TRO: variants seen among roughly 807,000 people sequenced by gnomAD.
TRO encodes the protein MAGE superfamily protein.
Under a neutral mutation model 42.3 loss-of-function variants are expected in TRO, and 29 were observed. That is an observed-to-expected ratio of 0.68 (90% CI 0.51 to 0.93). TRO has a LOEUF of 0.93. Among genes scored for constraint, TRO ranks in the 40% least tolerant of loss-of-function variants. TRO has a pLI of 0.00. For synonymous variants in TRO, 384 were observed against 425.2 expected, an observed-to-expected ratio of 0.90 and a Z score of 1.19; for missense variants, 963 against 1,127.7, an observed-to-expected ratio of 0.85 and a Z score of 2.09.
At chrX:54,927,185 C>A in intron 10 of TRO, 80 bp downstream of exon 10, 1 of 1,039,693 alleles carries the variant, frequency 9.6e-7, no homozygotes, top group Admixed American at 2.3e-5. Flanking sequence ...TTAGTCAGTG[C>A]CTTTCTTATA....
In TRO at chrX:54,930,014, C is replaced by T; in HGVS notation, c.3290C>T (p.Pro1097Leu). The T allele has an allele frequency of 8.3e-7, 1 of 1,211,841 alleles. No individual in the cohort carries two copies. Among genetic ancestry groups the T allele is most frequent in the Non-Finnish European group, 1.1e-6 (1 of 895,479 alleles). The change falls in exon 12 of 13, where the codon CCT (proline) becomes CTT (leucine). Residue 1097 changes from proline to leucine, a missense_variant. Pro to Leu is a moderately conservative substitution (Grantham distance 98). Around this residue, in one of 2 missense-constraint regions of TRO, gnomAD observed 641 missense variants for 811.3 expected, o/e 0.79. Coordinates refer to ENST00000173898, the MANE Select transcript of TRO (RefSeq NM_001039705.3). ...TTCAGTGGTGCACCAATCACCAACC[C>T]TGGCTTTGGCGGTGCATTTAGCACC... The part of the protein sequence containing the change: ...ACFSGAPITN[P>L]GFGGAFSTSA...
chrX:54,929,609 C>T lies in TRO; in HGVS notation c.2885C>T (p.Ser962Phe), dbSNP rs1200511245. The T allele has an allele frequency of 1.7e-6, 2 of 1,211,372 alleles. No homozygotes were observed. Among genetic ancestry groups the T allele is most frequent in the East Asian group, 5.9e-5 (2 of 33,797 alleles). Residue 962 changes from serine (S) to phenylalanine (F), a missense_variant, in exon 12 of 13, where the codon TCT becomes TTT. Around this residue, in one of 2 missense-constraint regions of TRO, gnomAD observed 641 missense variants for 811.3 expected, o/e 0.79. Transcript: ENST00000173898. Reference sequence around the variant, plus strand: ...AGTACCAGCATCTGCTTTGATGGCTCTCCCAGCACTGGTGCTGGCTTTGGT... The same window carrying T: ...AGTACCAGCATCTGCTTTGATGGCTTTCCCAGCACTGGTGCTGGCTTTGGT... Reference protein sequence around the residue: ...TLSTSICFDGSPSTGAGFGGA... With the variant: ...TLSTSICFDGFPSTGAGFGGA...
intron 12 of TRO, 54 bp from the exon 13 acceptor site, chrX:54,931,150 T>G: frequency 8.3e-7 from 1 of 1,203,369 alleles, no homozygotes; most frequent in Non-Finnish European, 1.1e-6. Context: ...TAAGGAATTA[T>G]GAGAAGACAG....
chrX:54,926,935 T>C, intron 9 of TRO, 108 bp from the exon 10 acceptor site: 1 of 930,051 alleles, frequency 1.1e-6, no homozygotes, highest in Non-Finnish European at 1.5e-6. Flanking sequence ...CTTCACTTCA[T>C]TGAGACTGCC....
intron 5 of TRO, 101 bp from the exon 6 acceptor site, chrX:54,924,880 TTAACTCAC>T: frequency 4.1e-6 from 4 of 978,926 alleles, no homozygotes; most frequent in Non-Finnish European, 5.7e-6. Flanking sequence ...GCATCTCCCA[TTAACTCAC>T]TTCAGGTCTC....
chrX:54,923,275 C>T lies in TRO; in HGVS notation c.743C>T (p.Thr248Ile), dbSNP rs1932341596. The T allele has an allele frequency of 8.3e-7, 1 of 1,210,027 alleles. No individual in the cohort carries two copies. The highest frequency in any genetic ancestry group is 1.7e-5 in the African/African-American group (1 of 57,197). ...AATGAGACAGCCAGTATCCACACCA[C>T]AGCAGCCTCCATCCGAACCAAGAAA... ...ITNETASIHT[T>I]AASIRTKKAS... Residue 248 changes from threonine to isoleucine, a missense_variant, in exon 3 of 13, where the codon ACA (threonine) becomes ATA (isoleucine). Transcript: ENST00000173898.
At chrX:54,931,115 A>G in intron 12 of TRO, 84 bp downstream of exon 12, 1 of 1,187,766 alleles carries the variant, frequency 8.4e-7, no homozygotes, top group Non-Finnish European at 1.1e-6. Flanking sequence ...AAGGCAGGAC[A>G]GCAGGGTGGA....
Position 54,923,368 on chromosome X carries a change from A to C in TRO, c.836A>C (p.Asn279Thr). ...GACACTGAGCATATAGAGGCTCTAAATGTCACTGACGCAGCTACCAGGCAG... is the reference window on the plus strand; with the variant it reads ...GACACTGAGCATATAGAGGCTCTAACTGTCACTGACGCAGCTACCAGGCAG... The part of the protein sequence containing the change: ...NTDTEHIEAL[N>T]VTDAATRQIE... The change falls in exon 3 of 13, where the codon AAT becomes ACT. Residue 279 changes from asparagine (N) to threonine (T), a missense_variant. Coordinates refer to ENST00000173898, the MANE Select transcript of TRO (RefSeq NM_001039705.3). 1 of 1,207,153 alleles carries C rather than the reference A, an allele frequency of 8.3e-7. No homozygotes were observed. Among genetic ancestry groups the C allele is most frequent in the Non-Finnish European group, 1.1e-6 (1 of 893,023 alleles).
intron 10 of TRO, chrX:54,927,311 C>T (rs964381343): frequency 2.8e-5 from 14 of 500,737 alleles, no homozygotes; most frequent in East Asian, 1.3e-4. Flanking sequence ...CAGTGGGGTG[C>T]GCTCAGAGCA....
At chrX:54,924,171 G>T (rs1402574868) in intron 3 of TRO, among the ~76,000 whole-genome samples, 1 of 112,122 alleles carries the variant, frequency 8.9e-6, no homozygotes, top group Non-Finnish European at 1.9e-5. Flanking sequence ...AGAGGTACCA[G>T]CCAGCATAAT....
chrX:54,927,200 C>T (rs1932795682), intron 10 of TRO, 95 bp downstream of exon 10: 1 of 965,040 alleles, frequency 1.0e-6, no homozygotes, highest in Admixed American at 2.4e-5. Flanking sequence ...CTTATACTAG[C>T]TTTAGAGGGA....
intron 1 of TRO, 51 bp from the exon 2 acceptor site, chrX:54,922,152 A>G: frequency 3.1e-6 from 3 of 982,671 alleles, no homozygotes; most frequent in Non-Finnish European, 4.2e-6. Context: ...CTAAGTCAGG[A>G]TAGGTGAGAT....
chrX:54,929,610 T>A lies in TRO; in HGVS notation c.2886T>A (p.Ser962=), dbSNP rs1257529252. The A allele has an allele frequency of 2.5e-6, 3 of 1,211,297 alleles. No homozygotes were observed. The East Asian group carries it at 8.9e-5, about 36-fold the overall frequency. The change falls in exon 12 of 13, where the codon TCT becomes TCA. Residue 962 remains serine (S), a synonymous_variant. Coordinates refer to ENST00000173898, the MANE Select transcript of TRO (RefSeq NM_001039705.3). ...TLSTSICFDG[S]PSTGAGFGGA... is the part of the protein sequence containing the mutation. ...GTACCAGCATCTGCTTTGATGGCTCTCCCAGCACTGGTGCTGGCTTTGGTG... is the reference window on the plus strand; with the variant it reads ...GTACCAGCATCTGCTTTGATGGCTCACCCAGCACTGGTGCTGGCTTTGGTG...
chrX:54,927,085 A>C lies in TRO; in HGVS notation c.1743A>C (p.Thr581=). ...TTGGGGAAGTGAGGAAGCTCATCAC[A>C]GACGAGTTTGTGAAGCAGAAGTAAG... ...SLFGEVRKLI[T]DEFVKQKYLE... Residue 581 remains threonine (T), a synonymous_variant, in exon 10 of 13, where the codon ACA becomes ACC. Transcript: ENST00000173898. The C allele has an allele frequency of 8.3e-7, 1 of 1,211,917 alleles. No individual in the cohort carries two copies. The highest frequency in any genetic ancestry group is 1.1e-6 in the Non-Finnish European group (1 of 895,577).
In TRO at chrX:54,922,595, G is replaced by T. The variant is rs772650773; in HGVS notation, c.63G>T (p.Pro21=). The T allele has an allele frequency of 8.3e-7, 1 of 1,208,251 alleles. No homozygotes were observed. Residue 21 remains proline, a synonymous_variant, in exon 3 of 13, where the codon CCG becomes CCT. Coordinates refer to ENST00000173898, the MANE Select transcript of TRO (RefSeq NM_001039705.3). ...VPLFQGPLPP[P]GSLGLPFPPD... ...GTGTGTAGGGCCCTCTGCCTCCCCC[G>T]GGGAGCCTGGGGCTTCCCTTCCCTC...
rs752478190 is a variant in TRO at position 54,930,953 on chromosome X, C to T, written c.4229C>T (p.Pro1410Leu). 42 of 1,190,874 alleles carry T rather than the reference C, an allele frequency of 3.5e-5. No homozygotes were observed. The South Asian group carries it at 5.5e-4, about 16-fold the overall frequency. Residue 1410 changes from proline (P) to leucine (L), a missense_variant, in exon 12 of 13, where the codon CCG becomes CTG. By Grantham distance (98) the Pro-to-Leu change is moderately conservative. Coordinates refer to ENST00000173898, the MANE Select transcript of TRO (RefSeq NM_001039705.3). ...ACTGGTGCTGGCTTTGGTGGTGGACCGAGCACCAGTGCTGGCTTTGGCAGT... is the reference window on the plus strand; with the variant it reads ...ACTGGTGCTGGCTTTGGTGGTGGACTGAGCACCAGTGCTGGCTTTGGCAGT... Reference protein sequence around the residue: ...PNTGAGFGGGPSTSAGFGSGA... With the variant: ...PNTGAGFGGGLSTSAGFGSGA...
chrX:54,928,620 C>T lies in TRO; in HGVS notation c.1896C>T (p.Pro632=). 1.7e-6 allele frequency: 2 copies of T among 1,148,959 alleles called. No individual in the cohort carries two copies. Among genetic ancestry groups the T allele is most frequent in the Non-Finnish European group, 2.3e-6 (2 of 866,382 alleles). 94.7% of individuals were successfully genotyped at this position (1,148,959 alleles called of 1,213,427 possible). The change falls in exon 12 of 13, where the codon CCC becomes CCT. Residue 632 remains proline, a synonymous_variant. Coordinates refer to ENST00000173898, the MANE Select transcript of TRO (RefSeq NM_001039705.3). ...KFACRVQKKD[P]KDWAVQYREA... ...CATTTCAGGTGCAGAAGAAAGACCC[C>T]AAGGACTGGGCTGTGCAGTACCGCG...
rs1932868566 is a variant in TRO at position 54,928,819 on chromosome X, G to A, written c.2095G>A (p.Ala699Thr). ...GGAAGAGTTAGGCGATGATGCTCAGGCCTGGAGCAGATTTTCATTTGAAAT... is the reference window on the plus strand; with the variant it reads ...GGAAGAGTTAGGCGATGATGCTCAGACCTGGAGCAGATTTTCATTTGAAAT... ...TREELGDDAQ[A>T]WSRFSFEIEA... is the part of the protein sequence containing the mutation. The change falls in exon 12 of 13, where the codon GCC becomes ACC. Residue 699 changes from alanine (A) to threonine (T), a missense_variant. Coordinates refer to ENST00000173898, the MANE Select transcript of TRO (RefSeq NM_001039705.3). The A allele has an allele frequency of 2.5e-6, 3 of 1,210,352 alleles. No homozygotes were observed. The highest frequency in any genetic ancestry group is 3.0e-5 in the East Asian group (1 of 33,801).
intron 6 of TRO, 48 bp downstream of exon 6, chrX:54,925,116 C>T (rs1289207314): frequency 9.2e-7 from 1 of 1,092,166 alleles, no homozygotes; most frequent in Admixed American, 2.3e-5. Context: ...AGCTTTGAAT[C>T]GAGCAAAGAC....
Sources: gnomAD v4.1 joint callset for allele counts (sites outside exome capture counted in the v4.1 genomes callset) on GRCh38, gnomAD v4.1.1 for gene constraint, gnomAD v4.1.1 regional missense constraint, MANE v1.5 for transcripts, NCBI Gene and HGNC (gene_info 2026-07-23, HGNC 2026-07-21) for gene names.